Variants in FAM53B observed in about 807,000 individuals in gnomAD.
The protein encoded by FAM53B is protein FAM53B.
FAM53B carries 12 observed loss-of-function variants against 32.7 expected under a neutral mutation model. The ratio of observed to expected loss-of-function variants is 0.37; its 90% CI spans 0.24 to 0.59. FAM53B has a LOEUF of 0.59. Ranked by LOEUF, FAM53B falls within the 20% of genes least tolerant of loss-of-function variation. FAM53B has a pLI of 0.72. For missense variants in FAM53B, 477 were observed against 577.7 expected, an observed-to-expected ratio of 0.83 and a Z score of 1.79; for synonymous variants, 234 against 228.7, an observed-to-expected ratio of 1.02 and a Z score of -0.21.
intron 4 of FAM53B, among the ~76,000 whole-genome samples, chr10:124,655,973 C>A (rs769459012): frequency 7.9e-5 from 12 of 152,218 alleles, no homozygotes; most frequent in Non-Finnish European, 1.5e-4. Context: ...ACGTACCAAA[C>A]AGAACTAGCC....
intron 4 of FAM53B, among the ~76,000 whole-genome samples, chr10:124,644,776 C>G (rs1949500979): frequency 6.6e-6 from 1 of 152,084 alleles, no homozygotes; most frequent in Non-Finnish European, 1.5e-5. Context: ...GGGAGGGAGG[C>G]AGAAGAGGGC....
At chr10:124,700,573 A>T (rs1949908588) in intron 2 of FAM53B, among the ~76,000 whole-genome samples, 1 of 152,166 alleles carries the variant, frequency 6.6e-6, no homozygotes, top group South Asian at 2.1e-4. Flanking sequence ...TCCTCAGATC[A>T]CGAGAGAAGG....
At chr10:124,653,720 G>A (rs1454868323) in intron 4 of FAM53B, among the ~76,000 whole-genome samples, 4 of 152,194 alleles carry the variant, frequency 2.6e-5, no homozygotes, top group African/African-American at 9.7e-5. Context: ...CATGGCCCAC[G>A]CAGAGCCTAT....
intron 3 of FAM53B, among the ~76,000 whole-genome samples, chr10:124,691,549 G>A (rs549183618): frequency 2.0e-5 from 3 of 152,116 alleles, no homozygotes; most frequent in Non-Finnish European, 4.4e-5. Context: ...ACTTTTCCTA[G>A]TAGCCTTTTT....
Position 124,667,378 on chromosome 10 carries a change from C to A in FAM53B, c.906+14229G>T, listed in dbSNP as rs140765789. Reference sequence around the variant, plus strand: ...ACTGCTTCCTCTAAGACTCAGCCACCGCCTGTAAAATGGATAACGATGTGC... The same window carrying A: ...ACTGCTTCCTCTAAGACTCAGCCACAGCCTGTAAAATGGATAACGATGTGC... On this transcript the variant is annotated intron_variant, in intron 4 of 4. Transcript: ENST00000337318. 10 of 764,804 alleles carry A rather than the reference C, an allele frequency of 1.3e-5. No individual in the cohort carries two copies. In the East Asian group the frequency reaches 2.5e-4, roughly 19 times the overall value. 47.4% of individuals were successfully genotyped at this position (764,804 alleles called of 1,614,324 possible).
chr10:124,625,968 GATAA>G (rs1292910268), intron 4 of FAM53B, among the ~76,000 whole-genome samples: 3 of 152,216 alleles, frequency 2.0e-5, no homozygotes, highest in African/African-American at 7.2e-5. Flanking sequence ...GGTGTGTAAG[GATAA>G]ATAATCATGT....
chr10:124,670,000 G>A (rs754513876), intron 4 of FAM53B, among the ~76,000 whole-genome samples: 10 of 152,060 alleles, frequency 6.6e-5, no homozygotes, highest in African/African-American at 9.7e-5. Flanking sequence ...GAGGGAGGAC[G>A]CCCTGCAAAC....
chr10:124,635,789 C>T (rs1007369053), intron 4 of FAM53B, among the ~76,000 whole-genome samples: 1 of 152,154 alleles, frequency 6.6e-6, no homozygotes, highest in East Asian at 1.9e-4. Flanking sequence ...GGCAGGGGAC[C>T]CCACAAAGTG....
intron 4 of FAM53B, among the ~76,000 whole-genome samples, chr10:124,669,056 C>T (rs983835359): frequency 1.3e-5 from 2 of 152,212 alleles, no homozygotes; most frequent in Non-Finnish European, 2.9e-5. Flanking sequence ...CTGGCTTGGA[C>T]CTCCTCCCCG....
chr10:124,703,079 T>C (rs1297889929), intron 2 of FAM53B, among the ~76,000 whole-genome samples: 6 of 151,990 alleles, frequency 3.9e-5, no homozygotes, highest in African/African-American at 1.4e-4. Flanking sequence ...TCTCACTCTG[T>C]CGCCCAGGCT....
chr10:124,643,485 G>A (rs1466806468), intron 4 of FAM53B, among the ~76,000 whole-genome samples: 3 of 152,248 alleles, frequency 2.0e-5, no homozygotes, highest in Non-Finnish European at 2.9e-5. Flanking sequence ...GTCTGAAGCT[G>A]TGAAAGCCTC....
At chr10:124,721,548 G>A (rs897757508) in intron 1 of FAM53B, among the ~76,000 whole-genome samples, 5 of 152,220 alleles carry the variant, frequency 3.3e-5, no homozygotes, top group African/African-American at 1.2e-4. Flanking sequence ...ACCCCTGGGC[G>A]AACCTTGCTT....
chr10:124,740,147 C>T (rs181395241), intron 1 of FAM53B, among the ~76,000 whole-genome samples: 1 of 152,262 alleles, frequency 6.6e-6, no homozygotes, highest in Non-Finnish European at 1.5e-5. Context: ...CAGCACAGCA[C>T]TCTGTTGCTC....
chr10:124,665,389 T>G (rs1949663409), intron 4 of FAM53B, among the ~76,000 whole-genome samples: 1 of 152,230 alleles, frequency 6.6e-6, no homozygotes, highest in Non-Finnish European at 1.5e-5. Flanking sequence ...AACATCTATG[T>G]GCCTGTGTCT....
At chr10:124,671,158 T>C (rs1279035769) in intron 4 of FAM53B, 1 of 454,066 alleles carries the variant, frequency 2.2e-6, no homozygotes, top group African/African-American at 2.0e-5. Context: ...CCGCGTGACC[T>C]GCAGGAGCAA....
intron 1 of FAM53B, among the ~76,000 whole-genome samples, chr10:124,709,329 G>C (rs944609104): frequency 6.6e-6 from 1 of 152,226 alleles, no homozygotes; most frequent in Non-Finnish European, 1.5e-5. Flanking sequence ...CAGGAAGCCA[G>C]AACGAGGCAA....
chr10:124,663,505 A>G (rs959127980), intron 4 of FAM53B, among the ~76,000 whole-genome samples: 2 of 152,196 alleles, frequency 1.3e-5, no homozygotes, highest in African/African-American at 4.8e-5. Flanking sequence ...ACCAAAGACA[A>G]ACCAGAGGTG....
At chr10:124,645,670 C>G (rs1390004311) in intron 4 of FAM53B, among the ~76,000 whole-genome samples, 8 of 152,220 alleles carry the variant, frequency 5.3e-5, no homozygotes, top group Admixed American at 5.2e-4. Flanking sequence ...TGGCGGCTGT[C>G]TGGCATAACG....
intron 4 of FAM53B, among the ~76,000 whole-genome samples, chr10:124,635,261 T>G (rs541311948): frequency 1.9e-4 from 29 of 152,040 alleles, no homozygotes; most frequent in African/African-American, 6.3e-4. Context: ...CTGGCTAACT[T>G]TTTGTATTTT....
Sources: allele counts gnomAD v4.1 joint callset (sites outside exome capture counted in the v4.1 genomes callset), GRCh38; gene constraint gnomAD v4.1.1; transcripts MANE v1.5; gene names NCBI Gene and HGNC (gene_info 2026-07-23, HGNC 2026-07-21).